NPC1: variants seen among roughly 807,000 people sequenced by gnomAD.
NPC1 encodes the protein NPC intracellular cholesterol transporter 1.
A neutral mutation model predicts 140.4 loss-of-function variants in NPC1; 85 were observed. The observed-to-expected ratio is 0.61, with a 90% CI of 0.51 to 0.72. The LOEUF is 0.72. Ranked by LOEUF, NPC1 falls within the 30% of genes least tolerant of loss-of-function variation. NPC1 has a pLI of 0.00. For missense variants in NPC1, 1,504 were observed against 1,623.8 expected, an observed-to-expected ratio of 0.93 and a Z score of 1.27; for synonymous variants, 656 against 624.8, an observed-to-expected ratio of 1.05 and a Z score of -0.74.
chr18:23,539,239 A>G (rs1234260720), intron 19 of NPC1, 116 bp downstream of exon 19: 18 of 745,118 alleles, frequency 2.4e-5, no homozygotes, highest in Non-Finnish European at 4.4e-5. Context: ...TGACACAGGG[A>G]GACCCAGCTT....
Position 23,583,945 on chromosome 18 carries a change from A to T in NPC1, c.57+2342T>A, listed in dbSNP as rs1379269985. On this transcript the variant is annotated intron_variant, in intron 1 of 24. Transcript: ENST00000269228. ...TGTTCTTAATCACTCACAGGTCAAA[A>T]GATTAACCATTCCCAGTCTTCTGAG... Among the ~76,000 whole-genome samples the T allele has an allele frequency of 2.0e-5, 3 of 152,200 alleles. No individual in the cohort carries two copies. In the East Asian group the frequency reaches 5.8e-4, roughly 29 times the overall value.
chr18:23,572,902 CT>C (rs2059224122), intron 2 of NPC1, among the ~76,000 whole-genome samples: 1 of 152,200 alleles, frequency 6.6e-6, no homozygotes, highest in African/African-American at 2.4e-5. Context: ...GTCGACTTGA[CT>C]TTTGATTACT....
chr18:23,560,463 T>G lies in NPC1; in HGVS notation c.649A>C (p.Met217Leu). The G allele has an allele frequency of 2.5e-6, 4 of 1,614,030 alleles. No homozygotes were observed. The highest frequency in any genetic ancestry group is 3.4e-6 in the Non-Finnish European group (4 of 1,179,978). The change falls in exon 6 of 25, where the codon ATG (methionine) becomes CTG (leucine). Residue 217 changes from methionine (M) to leucine (L), a missense_variant. By Grantham distance (15) the Met-to-Leu change is conservative. Transcript: ENST00000269228. ...PVFSDFPVHG[M>L]EPMNNATKGC... The stretch of plus-strand genomic sequence containing the variant: ...TTGGTGGCATTGTTCATGGGCTCCA[T>G]CCCATGGACTGGAAAATCTACAGAA...
At position 23,556,480 on chromosome 18, in the gene NPC1, C is replaced by A. The variant is rs901122746; in HGVS notation, c.1089G>T (p.Ala363=). 10 of 1,613,998 alleles carry A rather than the reference C, an allele frequency of 6.2e-6. No homozygotes were observed. The Admixed American group carries it at 1.0e-4, about 16-fold the overall frequency. The change falls in exon 8 of 25, where the codon GCG becomes GCT. Residue 363 remains alanine (A), a synonymous_variant. Coordinates refer to ENST00000269228, the MANE Select transcript of NPC1 (RefSeq NM_000271.5). ...VIFFSLVFIT[A]CSSGLVFVRV... is the part of the protein sequence containing the mutation. ...GGACAAACACCAGGCCTGACGAACA[C>A]GCAGTAATGAAGACCAGCGAGAAGA...
At chr18:23,544,594 GTCCT>G in intron 12 of NPC1, 68 bp from the exon 13 acceptor site, 2 of 1,439,304 alleles carry the variant, frequency 1.4e-6, no homozygotes, top group Non-Finnish European at 1.9e-6. Flanking sequence ...TTACTAAAAG[GTCCT>G]CCTTTTTACT....
At chr18:23,527,916 G>C, downstream of NPC1, 2 of 1,592,338 alleles carry the variant, frequency 1.3e-6, no homozygotes, top group Non-Finnish European at 1.7e-6. Flanking sequence ...GTTACATGGA[G>C]TATGACAAAG....
chr18:23,529,667 G>C (rs2058426494), downstream of NPC1: 1 of 1,613,988 alleles, frequency 6.2e-7, no homozygotes, highest in Non-Finnish European at 8.5e-7. Flanking sequence ...TAGCCGTGCT[G>C]ATGGAATACA....
At chr18:23,507,207 C>T (rs559494357) in intron 3 of NPC1, among the ~76,000 whole-genome samples, 11 of 152,114 alleles carry the variant, frequency 7.2e-5, no homozygotes, top group Admixed American at 3.9e-4. Context: ...CCTTCAAAAA[C>T]GAAAAAGACA....
At chr18:23,540,417 TAAA>T (rs746440359) in intron 17 of NPC1, 28 bp downstream of exon 17, 2,112 of 1,154,640 alleles carry the variant, frequency 1.8e-3, no homozygotes, top group Non-Finnish European at 2.2e-3. Context: ...CTAAAGAAGT[TAAA>T]AAAAAAAAAA....
In NPC1 at chr18:23,540,468, G is replaced by T; in HGVS notation, c.2584C>A (p.Gln862Lys). The part of the protein sequence containing the change: ...VLNKVDIGLD[Q>K]SLSMPDDSYM... ...CTTACATCTGGCATCGAAAGAGACT[G>T]ATCCAATCCAATATCTACTTTGTTC... is the stretch of plus-strand genomic sequence containing the variant. The change falls in exon 17 of 25, where the codon CAG (glutamine) becomes AAG (lysine). Residue 862 changes from glutamine (Q) to lysine (K), a missense_variant. By Grantham distance (53) the Gln-to-Lys change is moderately conservative. Coordinates refer to ENST00000269228, the MANE Select transcript of NPC1 (RefSeq NM_000271.5). The T allele has an allele frequency of 6.2e-7, 1 of 1,600,568 alleles. No homozygotes were observed. Among genetic ancestry groups the T allele is most frequent in the Non-Finnish European group, 8.6e-7 (1 of 1,168,894 alleles).
chr18:23,529,354 G>C, downstream of NPC1: 1 of 1,563,644 alleles, frequency 6.4e-7, no homozygotes, highest in Non-Finnish European at 8.6e-7. Flanking sequence ...CAAGGAAGTT[G>C]CTGAAAACGA....
At chr18:23,559,294 T>A (rs1422277510) in intron 6 of NPC1, among the ~76,000 whole-genome samples, 4 of 152,202 alleles carry the variant, frequency 2.6e-5, no homozygotes, top group African/African-American at 9.7e-5. Flanking sequence ...CTATGAGTTA[T>A]GTAAGTTGTA....
intron 6 of NPC1, 71 bp downstream of exon 6, chr18:23,560,160 C>T (rs2059017116): frequency 1.3e-6 from 2 of 1,598,274 alleles, no homozygotes; most frequent in Non-Finnish European, 1.7e-6. Context: ...CAAGCTCTGA[C>T]AAATGAAAGC....
chr18:23,559,794 A>G (rs1319933376), intron 6 of NPC1, among the ~76,000 whole-genome samples: 3 of 152,154 alleles, frequency 2.0e-5, no homozygotes, highest in Non-Finnish European at 4.4e-5. Flanking sequence ...TACTAAAAAT[A>G]CAAAAATTAG....
At chr18:23,577,099 C>G (rs1039340356) in intron 1 of NPC1, among the ~76,000 whole-genome samples, 2 of 151,844 alleles carry the variant, frequency 1.3e-5, no homozygotes, top group Admixed American at 1.3e-4. Flanking sequence ...ACGTCCCCAT[C>G]AGATTAGTTA....
At chr18:23,548,202 C>T in intron 10 of NPC1, 94 bp from the exon 11 acceptor site, 1 of 781,792 alleles carries the variant, frequency 1.3e-6, no homozygotes, top group Admixed American at 1.8e-5. Flanking sequence ...AGATTTCTCA[C>T]TGGAGCTATG....
At chr18:23,570,843 C>A (rs751218982) in intron 3 of NPC1, among the ~76,000 whole-genome samples, 1 of 152,196 alleles carries the variant, frequency 6.6e-6, no homozygotes, top group Non-Finnish European at 1.5e-5. Flanking sequence ...ACAAAACCAG[C>A]CAGCTACAGC....
At chr18:23,549,908 AT>A (rs1474717377) in intron 10 of NPC1, among the ~76,000 whole-genome samples, 1 of 151,072 alleles carries the variant, frequency 6.6e-6, no homozygotes. Flanking sequence ...CGTGTGGCTA[AT>A]TTTTTTTGTA....
downstream of NPC1, among the ~76,000 whole-genome samples, chr18:23,520,816 A>C (rs910732950): frequency 6.6e-6 from 1 of 152,104 alleles, no homozygotes; most frequent in African/African-American, 2.4e-5. Context: ...ATAAGGTTCA[A>C]GTGATTCTCC....
Sources: gnomAD v4.1 joint callset for allele counts (sites outside exome capture counted in the v4.1 genomes callset) on GRCh38, gnomAD v4.1.1 for gene constraint, MANE v1.5 for transcripts, NCBI Gene and HGNC (gene_info 2026-07-23, HGNC 2026-07-21) for gene names.